The following MYO18B variants were observed in gnomAD, a reference collection of about 807,000 sequenced individuals.
MYO18B encodes the protein unconventional myosin-XVIIIb.
MYO18B carries 204 observed loss-of-function variants against 273.0 expected under a neutral mutation model. The observed-to-expected ratio is 0.75, with a 90% CI of 0.67 to 0.84. The LOEUF (loss-of-function observed/expected upper bound fraction) is 0.84. Among genes scored for constraint, MYO18B ranks in the 40% least tolerant of loss-of-function variants. The pLI is 0.00. For missense variants in MYO18B, 3,212 were observed against 3,287.6 expected (o/e 0.98, Z 0.56); for synonymous variants, 1,330 against 1,305.7 (o/e 1.02, Z -0.40).
intron 34 of MYO18B, among the ~76,000 whole-genome samples, chr22:25,929,146 G>T (rs2049024367): frequency 1.7e-5 from 2 of 119,596 alleles, no homozygotes; most frequent in African/African-American, 6.7e-5. Flanking sequence ...TGGGCAACAA[G>T]AGCGAAACTG....
At chr22:25,765,706 G>A (rs770147960) in intron 3 of MYO18B, among the ~76,000 whole-genome samples, 2 of 152,114 alleles carry the variant, frequency 1.3e-5, no homozygotes, top group Non-Finnish European at 2.9e-5. Flanking sequence ...GTGGCAGGGT[G>A]GGGGGACCAA....
intron 33 of MYO18B, among the ~76,000 whole-genome samples, chr22:25,919,040 C>A (rs545578461): frequency 1.1e-4 from 17 of 152,300 alleles, no homozygotes; most frequent in African/African-American, 4.1e-4. Flanking sequence ...CACTTTGTAA[C>A]CTGCCCCTCA....
intron 7 of MYO18B, 113 bp downstream of exon 7, chr22:25,772,623 C>G (rs2086764397): frequency 9.4e-7 from 1 of 1,066,594 alleles, no homozygotes; most frequent in Non-Finnish European, 1.3e-6. Context: ...GTCGACCTGT[C>G]TGCAAGCAGC....
chr22:25,806,475 C>G (rs1157484195), intron 12 of MYO18B, among the ~76,000 whole-genome samples: 1 of 152,194 alleles, frequency 6.6e-6, no homozygotes, highest in Non-Finnish European at 1.5e-5. Context: ...TGCATAGTAT[C>G]CACACTTCCT....
chr22:25,754,740 C>T (rs1416113537), intron 1 of MYO18B, among the ~76,000 whole-genome samples: 8 of 152,180 alleles, frequency 5.3e-5, no homozygotes, highest in Non-Finnish European at 1.2e-4. Flanking sequence ...ACCTCCCCGG[C>T]GGGATTGGCT....
At position 25,777,604 on chromosome 22, in the gene MYO18B, G is replaced by T; in HGVS notation, c.1891G>T (p.Gly631Cys). The change falls in exon 8 of 44, where the codon GGC (glycine) becomes TGC (cysteine). Residue 631 changes from glycine to cysteine, a missense_variant. By Grantham distance (159) the Gly-to-Cys change is radical (BLOSUM62 -3). Coordinates refer to ENST00000335473, the MANE Select transcript of MYO18B (RefSeq NM_032608.7). Reference protein sequence around the residue: ...AGKVPKGRRDGLPAHIGSMAQ... With the variant: ...AGKVPKGRRDCLPAHIGSMAQ... Reference sequence around the variant, plus strand: ...GCAGGTGCCCAAGGGCCGCCGGGATGGCCTGCCTGCCCACATTGGCTCCAT... The same window carrying T: ...GCAGGTGCCCAAGGGCCGCCGGGATTGCCTGCCTGCCCACATTGGCTCCAT... 6.3e-7 allele frequency: 1 copy of T among 1,598,636 alleles called. No homozygotes were observed. The highest frequency in any genetic ancestry group is 8.5e-7 in the Non-Finnish European group (1 of 1,172,884).
rs12627882 is a variant in MYO18B at position 25,905,056 on chromosome 22, A to T, written c.5148+1225A>T. On this transcript the variant is annotated intron_variant, in intron 31 of 43. Coordinates refer to ENST00000335473, the MANE Select transcript of MYO18B (RefSeq NM_032608.7). Reference sequence around the variant, plus strand: ...GCAATTATTTTAAAGTGTTTTTTTTAAAAAAAATGCTGAGGCCACCGTTAT... The same window carrying T: ...GCAATTATTTTAAAGTGTTTTTTTTTAAAAAAATGCTGAGGCCACCGTTAT... Among the ~76,000 whole-genome samples the T allele has an allele frequency of 4.7e-3, 583 of 124,346 alleles. 4 individuals are homozygous for T. The highest frequency in any genetic ancestry group is 0.011 in the Middle Eastern group (3 of 264). 81.6% of individuals were successfully genotyped at this position (124,346 alleles called of 152,430 possible).
At chr22:25,941,019 G>A (rs1022675908) in intron 34 of MYO18B, among the ~76,000 whole-genome samples, 4 of 152,310 alleles carry the variant, frequency 2.6e-5, no homozygotes, top group Admixed American at 6.5e-5. Flanking sequence ...GACTTAGTAC[G>A]CACGGAGGAA....
rs1450376619 is a variant in MYO18B, at chr22:26,027,113, T to C, written c.7139T>C (p.Leu2380Pro). 6.2e-7 allele frequency: 1 copy of C among 1,613,996 alleles called. No homozygotes were observed. Among genetic ancestry groups the C allele is most frequent in the Non-Finnish European group, 8.5e-7 (1 of 1,179,886 alleles). Residue 2380 changes from leucine (L) to proline (P), a missense_variant, in exon 43 of 44, where the codon CTG becomes CCG. Transcript: ENST00000335473. This position sits in a 1 kb window ranked among gnomAD's most constrained non-coding sequence, Gnocchi z 4.1. ...TPRDMLLSPT[L>P]RPRRRCLESS... is the part of the protein sequence containing the mutation. ...AGGGACATGCTGTTGTCGCCCACAC[T>C]GCGTCCTCGGAGGCGGTGTCTGGAG...
intron 1 of MYO18B, among the ~76,000 whole-genome samples, chr22:25,758,100 G>A (rs1280127084): frequency 1.3e-5 from 2 of 152,014 alleles, no homozygotes; most frequent in African/African-American, 4.8e-5. Flanking sequence ...TGCAACCTCC[G>A]CCTCCCGGAT....
Position 25,819,629 on chromosome 22 carries a change from G to A in MYO18B, c.2522-3876G>A, listed in dbSNP as rs554207835. Among the ~76,000 whole-genome samples, 8 of 152,270 alleles carry A rather than the reference G, an allele frequency of 5.3e-5. No individual in the cohort carries two copies. In the East Asian group the frequency reaches 1.5e-3, roughly 29 times the overall value. ...TAATATTTGTTTCTACTTTCTATTT[G>A]TGGCAGGTGATAATGAATTCTCATT... On this transcript the variant is annotated intron_variant, in intron 12 of 43. Coordinates refer to ENST00000335473, the MANE Select transcript of MYO18B (RefSeq NM_032608.7).
At chr22:25,866,500 T>G (rs1031151491) in intron 21 of MYO18B, among the ~76,000 whole-genome samples, 3 of 152,136 alleles carry the variant, frequency 2.0e-5, no homozygotes, top group Non-Finnish European at 2.9e-5. Flanking sequence ...GTTTGGGTGT[T>G]TATTCATTCA....
At chr22:25,936,561 A>C (rs960095555) in intron 34 of MYO18B, among the ~76,000 whole-genome samples, 11 of 152,236 alleles carry the variant, frequency 7.2e-5, no homozygotes, top group African/African-American at 2.7e-4. Flanking sequence ...CCTCATCTGA[A>C]ACTGAAAACA....
intron 11 of MYO18B, among the ~76,000 whole-genome samples, chr22:25,797,499 C>T (rs995667232): frequency 2.6e-5 from 4 of 152,196 alleles, no homozygotes; most frequent in African/African-American, 9.6e-5. Flanking sequence ...ACAGAGCCTA[C>T]CTCTAGGCCC....
At chr22:26,015,262 G>T (rs942739901) in intron 42 of MYO18B, among the ~76,000 whole-genome samples, 4 of 152,134 alleles carry the variant, frequency 2.6e-5, no homozygotes, top group Non-Finnish European at 5.9e-5. Flanking sequence ...GAGACCAAAA[G>T]CAGAAAAACC....
chr22:25,952,360 G>T lies in MYO18B; in HGVS notation c.5907G>T (p.Glu1969Asp). Residue 1969 changes from glutamate to aspartate, a missense_variant, in exon 38 of 44, where the codon GAG (glutamate) becomes GAT (aspartate). Physicochemically the swap from Glu to Asp is conservative, Grantham distance 45. Coordinates refer to ENST00000335473, the MANE Select transcript of MYO18B (RefSeq NM_032608.7). ...ATCGAGCCATCGTCAGCAGGCAGGA[G>T]GCGGTCATCTGTGACCTAGAGAACA... ...TVDRAIVSRQEAVICDLENKT... is the reference protein window; with the variant it reads ...TVDRAIVSRQDAVICDLENKT... 1 of 1,612,796 alleles carries T rather than the reference G, an allele frequency of 6.2e-7. No homozygotes were observed. The highest frequency in any genetic ancestry group is 1.3e-5 in the African/African-American group (1 of 75,018).
chr22:25,933,184 A>C (rs571800946), intron 34 of MYO18B, among the ~76,000 whole-genome samples: 33 of 152,170 alleles, frequency 2.2e-4, no homozygotes, highest in African/African-American at 6.7e-4. Flanking sequence ...ATTTCTTTCC[A>C]ATTTCAGAGC....
intron 23 of MYO18B, among the ~76,000 whole-genome samples, chr22:25,875,700 C>A (rs534129308): frequency 6.6e-6 from 1 of 152,186 alleles, no homozygotes; most frequent in Non-Finnish European, 1.5e-5. Flanking sequence ...GATTCTGATG[C>A]ACATTCAAGT....
At chr22:25,900,269 C>T (rs534563227) in intron 29 of MYO18B, 1 of 152,324 alleles carries the variant, frequency 6.6e-6, no homozygotes, top group South Asian at 2.1e-4. Context: ...GCAGGCATTA[C>T]CTTTCCAGGT....
Sources: allele counts gnomAD v4.1 joint callset (sites outside exome capture counted in the v4.1 genomes callset), GRCh38; gene constraint gnomAD v4.1.1; non-coding constraint Gnocchi (gnomAD v3.1); transcripts MANE v1.5; gene names NCBI Gene and HGNC (gene_info 2026-07-23, HGNC 2026-07-21).